NFIB: variants seen among roughly 807,000 people sequenced by gnomAD.
NFIB encodes nuclear factor 1 B-type.
Under a neutral mutation model 61.5 loss-of-function variants are expected in NFIB, and 11 were observed. The observed-to-expected ratio is 0.18, with a 90% CI of 0.11 to 0.30. The LOEUF is 0.30. NFIB is among the 10% of genes least tolerant of loss of function. The probability of loss-of-function intolerance (pLI) is 1.00; values close to 1 mark genes in which losing one functional copy is unlikely to be tolerated. For missense variants in NFIB, 471 were observed against 608.9 expected (o/e 0.77, Z 2.38); for synonymous variants, 260 against 216.5 (o/e 1.20, Z -1.76).
At chr9:14,492,289 GGAGGCGGAGCTTGCAGT>G in the NFIB span, among the ~76,000 whole-genome samples, 1 of 151,932 alleles carries the variant, frequency 6.6e-6, no homozygotes, top group South Asian at 2.1e-4. Context: ...CATGAACCGG[GGAGGCGGAGCTTGCAGT>G]GAGCCGAGAT....
At chr9:14,394,372 G>A (rs985736845) in intron 1 of NFIB, among the ~76,000 whole-genome samples, 4 of 152,156 alleles carry the variant, frequency 2.6e-5, no homozygotes, top group African/African-American at 9.7e-5. Context: ...CTGAAACTGG[G>A]TAATTTATAA....
At chr9:14,421,605 G>C in the NFIB span, among the ~76,000 whole-genome samples, 6 of 152,220 alleles carry the variant, frequency 3.9e-5, no homozygotes, top group Non-Finnish European at 7.3e-5. Flanking sequence ...ACATACAAAT[G>C]AAAGTTGACA....
At chr9:14,463,128 TA>T in the NFIB span, among the ~76,000 whole-genome samples, 1 of 137,984 alleles carries the variant, frequency 7.2e-6, no homozygotes, top group Non-Finnish European at 1.5e-5. Flanking sequence ...ATTAAATAAT[TA>T]AATCATAAAA....
At chr9:14,234,662 T>C (rs1284762900) in intron 2 of NFIB, among the ~76,000 whole-genome samples, 1 of 102,356 alleles carries the variant, frequency 9.8e-6, no homozygotes, top group Non-Finnish European at 1.9e-5. Context: ...GCACTTGGTC[T>C]ACTCTTTTTT....
At chr9:14,460,374 G>A in the NFIB span, among the ~76,000 whole-genome samples, 2 of 147,214 alleles carry the variant, frequency 1.4e-5, no homozygotes, top group African/African-American at 2.5e-5. Context: ...GTTGCGGGGT[G>A]GGGGGAGGGA....
chr9:14,459,048 C>G, the NFIB span, among the ~76,000 whole-genome samples: 4 of 151,966 alleles, frequency 2.6e-5, no homozygotes, highest in Non-Finnish European at 5.9e-5. Flanking sequence ...AAAAAGAGCC[C>G]GCATTGCCAA....
chr9:14,364,320 C>G (rs2061274942), intron 1 of NFIB, among the ~76,000 whole-genome samples: 1 of 152,108 alleles, frequency 6.6e-6, no homozygotes, highest in African/African-American at 2.4e-5. Flanking sequence ...TTGTGAAAAG[C>G]CAACGAAGAG....
chr9:14,298,084 T>C (rs2059546829), intron 2 of NFIB, among the ~76,000 whole-genome samples: 1 of 152,216 alleles, frequency 6.6e-6, no homozygotes, highest in South Asian at 2.1e-4. Flanking sequence ...TTCTCTACTA[T>C]GTCATGAAAT....
chr9:14,460,914 C>A, the NFIB span, among the ~76,000 whole-genome samples: 1 of 152,042 alleles, frequency 6.6e-6, no homozygotes, highest in African/African-American at 2.4e-5. Context: ...CCATTTATTC[C>A]AAATTTTCTA....
the NFIB span, among the ~76,000 whole-genome samples, chr9:14,520,715 G>A: frequency 2.0e-5 from 3 of 152,156 alleles, no homozygotes; most frequent in Admixed American, 1.3e-4. Flanking sequence ...CCATTAGCAG[G>A]TCAAGATATC....
At chr9:14,123,771 C>T (rs2039260376) in intron 7 of NFIB, among the ~76,000 whole-genome samples, 1 of 151,690 alleles carries the variant, frequency 6.6e-6, no homozygotes. Context: ...CTTAGTTTGC[C>T]CCTCTGCCTC....
chr9:14,142,699 T>G (rs959821082), intron 6 of NFIB, among the ~76,000 whole-genome samples: 1 of 152,152 alleles, frequency 6.6e-6, no homozygotes, highest in African/African-American at 2.4e-5. Context: ...GGAGGAAGTA[T>G]TGGAATAAAA....
At chr9:14,174,525 TG>T (rs1379916493) in intron 3 of NFIB, among the ~76,000 whole-genome samples, 14 of 152,048 alleles carry the variant, frequency 9.2e-5, no homozygotes, top group African/African-American at 3.1e-4. Flanking sequence ...CCCAGCACTT[TG>T]GGAGGCTGAG....
the NFIB span, among the ~76,000 whole-genome samples, chr9:14,461,283 C>A: frequency 3.4e-4 from 52 of 152,112 alleles, no homozygotes; most frequent in Admixed American, 3.3e-3. Context: ...ATGAATCAAT[C>A]CGTTGAAGAA....
chr9:14,148,667 G>A (rs541619379), intron 5 of NFIB, among the ~76,000 whole-genome samples: 225 of 152,208 alleles, frequency 1.5e-3, no homozygotes, highest in African/African-American at 5.1e-3. Context: ...AGGTAAGGAC[G>A]TCTGACTTCC....
At chr9:14,460,394 G>A in the NFIB span, among the ~76,000 whole-genome samples, 1 of 149,046 alleles carries the variant, frequency 6.7e-6, no homozygotes, top group Admixed American at 6.7e-5. Flanking sequence ...AGAAGGGGTA[G>A]CATCAGGAGA....
intron 2 of NFIB, among the ~76,000 whole-genome samples, chr9:14,296,975 T>G (rs2059482676): frequency 2.0e-5 from 3 of 152,252 alleles, no homozygotes; most frequent in Admixed American, 2.0e-4. Flanking sequence ...TCTCTTTTTC[T>G]TCTAACTTCA....
At chr9:14,197,122 G>C (rs576087263) in intron 2 of NFIB, among the ~76,000 whole-genome samples, 2 of 152,128 alleles carry the variant, frequency 1.3e-5, no homozygotes, top group Non-Finnish European at 2.9e-5. Context: ...TTGCAATCCC[G>C]AAATAGGTTG....
chr9:14,455,177 C>G, the NFIB span, among the ~76,000 whole-genome samples: 1 of 152,130 alleles, frequency 6.6e-6, no homozygotes, highest in African/African-American at 2.4e-5. Context: ...GTAATGGAGA[C>G]ACACAGGAAT....
Sources: allele counts gnomAD v4.1 joint callset (sites outside exome capture counted in the v4.1 genomes callset), GRCh38; gene constraint gnomAD v4.1.1; transcripts MANE v1.5; gene names NCBI Gene and HGNC (gene_info 2026-07-23, HGNC 2026-07-21).